RAB11FIP1: variants seen among roughly 807,000 people sequenced by gnomAD.
RAB11FIP1 encodes the protein RAB11 family interacting protein 1.
RAB11FIP1 carries 49 observed loss-of-function variants against 83.1 expected under a neutral mutation model. The observed-to-expected ratio is 0.59, with a 90% CI of 0.47 to 0.75. The LOEUF is 0.75. Among genes scored for constraint, RAB11FIP1 ranks in the 30% least tolerant of loss-of-function variants. The pLI is 0.00. For synonymous variants in RAB11FIP1, 670 were observed against 656.0 expected (o/e 1.02, Z -0.33); for missense variants, 1,536 against 1,598.7 (o/e 0.96, Z 0.67).
chr8:37,892,281 C>T (rs1049747664), intron 1 of RAB11FIP1, among the ~76,000 whole-genome samples: 15 of 152,108 alleles, frequency 9.9e-5, no homozygotes, highest in Non-Finnish European at 1.8e-4. Context: ...AAGCCACCAC[C>T]ATCCACCATC....
At position 37,899,061 on chromosome 8, in the gene RAB11FIP1, C is replaced by T; in HGVS notation, c.371+10G>A. The T allele has an allele frequency of 6.8e-7, 1 of 1,481,234 alleles. No homozygotes were observed. Among genetic ancestry groups the T allele is most frequent in the Non-Finnish European group, 8.9e-7 (1 of 1,124,400 alleles). The allele number at this position is 1,481,234 out of a possible 1,614,324, so 91.8% of individuals were successfully genotyped here. A position where few individuals can be genotyped will look rare whatever the true frequency, so the allele number is the denominator to read the frequency against. ...CCAGGCCGGGCCCTCCCCTCCCCGC[C>T]CGCACTCACTGCGTCTTCCTGCGGC... On this transcript the variant is annotated intron_variant, in intron 1 of 5. Coordinates refer to ENST00000330843, the MANE Select transcript of RAB11FIP1 (RefSeq NM_001002814.3). This position sits in a 1 kb window ranked among gnomAD's most constrained non-coding sequence, Gnocchi z 4.5.
rs1210708137 is a variant in RAB11FIP1, at chr8:37,899,253, C to A, written c.189G>T (p.Ala63=). 3 of 1,602,090 alleles carry A rather than the reference C, an allele frequency of 1.9e-6. No individual in the cohort carries two copies. Among genetic ancestry groups the A allele is most frequent in the Non-Finnish European group, 2.5e-6 (3 of 1,176,940 alleles). The change falls in exon 1 of 6, where the codon GCG becomes GCT. Residue 63 remains alanine (A), a synonymous_variant. Coordinates refer to ENST00000330843, the MANE Select transcript of RAB11FIP1 (RefSeq NM_001002814.3). The surrounding 1 kb of genome is among the most constrained non-coding windows in gnomAD (Gnocchi z 4.5). ...AGGTGGCCTCCTCGCGCCACACGGG[C>A]GCGCCCAGGCTGCGCTCCGACACGG... ...ATSVSERSLG[A]PVWREEATFE...
chr8:37,882,543 A>G (rs1443222613), intron 1 of RAB11FIP1, among the ~76,000 whole-genome samples: 1 of 152,240 alleles, frequency 6.6e-6, no homozygotes, highest in Non-Finnish European at 1.5e-5. Context: ...GAATAAGCAT[A>G]GTGCCTAGAG....
intron 5 of RAB11FIP1, among the ~76,000 whole-genome samples, chr8:37,863,957 T>C (rs924842280): frequency 1.3e-5 from 2 of 152,132 alleles, no homozygotes; most frequent in Non-Finnish European, 2.9e-5. Context: ...AGCAAGGGCT[T>C]TCTTTCCAGG....
At chr8:37,888,466 T>A (rs1370278730) in intron 1 of RAB11FIP1, among the ~76,000 whole-genome samples, 1 of 151,848 alleles carries the variant, frequency 6.6e-6, no homozygotes, top group African/African-American at 2.4e-5. Context: ...GTGTGTACTT[T>A]CTTTAAAAAA....
chr8:37,881,669 G>T lies in RAB11FIP1; in HGVS notation c.372-4118C>A, dbSNP rs1341130884. ...ATCCAGAGCTGGGCAGGCGGGGAGTGGTGGGTGTTGCAAGACGCAAGGTCT... is the reference window on the plus strand; with the variant it reads ...ATCCAGAGCTGGGCAGGCGGGGAGTTGTGGGTGTTGCAAGACGCAAGGTCT... On this transcript the variant is annotated intron_variant, in intron 1 of 5. Transcript: ENST00000330843. 3.9e-5 allele frequency among the ~76,000 whole-genome samples: 6 copies of T among 152,054 alleles called. No individual in the cohort carries two copies. In the East Asian group the frequency reaches 1.2e-3, roughly 29 times the overall value.
Position 37,860,921 on chromosome 8 carries a change from T to C in RAB11FIP1, c.*1974A>G, listed in dbSNP as rs1806220236. On this transcript the variant is annotated 3_prime_UTR_variant, in exon 6 of 6. Coordinates refer to ENST00000330843, the MANE Select transcript of RAB11FIP1 (RefSeq NM_001002814.3). Reference sequence around the variant, plus strand: ...AAAGAGATTGCACTGCCAATGATTTTGTCTCTTAACCTCAATGTAACAAGG... The same window carrying C: ...AAAGAGATTGCACTGCCAATGATTTCGTCTCTTAACCTCAATGTAACAAGG... 1.3e-5 allele frequency: 2 copies of C among 152,672 alleles called. No homozygotes were observed. The highest frequency in any genetic ancestry group is 2.9e-5 in the Non-Finnish European group (2 of 68,050). The allele number at this position is 152,672 out of a possible 1,614,324, so 9.5% of individuals were successfully genotyped here.
Position 37,861,786 on chromosome 8 carries a change from G to A in RAB11FIP1, c.*1109C>T, listed in dbSNP as rs547965340. On this transcript the variant is annotated 3_prime_UTR_variant, in exon 6 of 6. Transcript: ENST00000330843. ...GTATTTTTAGTAGAGATGGGGTTTCGCCATGTTGGTCAGGCTGGTCTCGAA... is the reference window on the plus strand; with the variant it reads ...GTATTTTTAGTAGAGATGGGGTTTCACCATGTTGGTCAGGCTGGTCTCGAA... 271 of 338,302 alleles carry A rather than the reference G, an allele frequency of 8.0e-4. 4 individuals are homozygous for A. The highest frequency in any genetic ancestry group is 3.9e-3 in the South Asian group (172 of 44,266). The allele number at this position is 338,302 out of a possible 1,614,324, so 21.0% of individuals were successfully genotyped here.
intron 1 of RAB11FIP1, among the ~76,000 whole-genome samples, chr8:37,891,497 G>T (rs529712547): frequency 1.8e-4 from 27 of 152,150 alleles, no homozygotes; most frequent in Non-Finnish European, 3.4e-4. Flanking sequence ...AGAGTTGATG[G>T]CATTTTAATA....
rs1466289000 is a variant in RAB11FIP1 at position 37,861,499 on chromosome 8, G to T, written c.*1396C>A. ...ATGCAGATGCAGTTCAATCCCTTTG[G>T]GGTCCAATCCATGGTCTCCTGTCCC... On this transcript the variant is annotated 3_prime_UTR_variant, in exon 6 of 6. Transcript: ENST00000330843. 4 of 423,304 alleles carry T rather than the reference G, an allele frequency of 9.4e-6. No homozygotes were observed. The Admixed American group carries it at 9.6e-5, about 10-fold the overall frequency. The allele number at this position is 423,304 out of a possible 1,614,324, so 26.2% of individuals were successfully genotyped here. A position where few individuals can be genotyped will look rare whatever the true frequency, so the allele number is the denominator to read the frequency against.
Position 37,899,013 on chromosome 8 carries a change from C to T in RAB11FIP1, c.371+58G>A. The T allele has an allele frequency of 7.1e-7, 1 of 1,406,944 alleles. No individual in the cohort carries two copies. Among genetic ancestry groups the T allele is most frequent in the Non-Finnish European group, 9.2e-7 (1 of 1,089,604 alleles). 87.2% of individuals were successfully genotyped at this position (1,406,944 alleles called of 1,614,324 possible). A position where few individuals can be genotyped will look rare whatever the true frequency, so the allele number is the denominator to read the frequency against. ...CTCGAAGGGTCCAGCGCCCAGACCG[C>T]CCTGCCGGAGGGGTCCGCGCCCCCA... is the stretch of plus-strand genomic sequence containing the variant. On this transcript the variant is annotated intron_variant, in intron 1 of 5. Coordinates refer to ENST00000330843, the MANE Select transcript of RAB11FIP1 (RefSeq NM_001002814.3). This position sits in a 1 kb window ranked among gnomAD's most constrained non-coding sequence, Gnocchi z 4.5.
intron 1 of RAB11FIP1, among the ~76,000 whole-genome samples, chr8:37,892,345 C>A (rs1440972409): frequency 6.6e-6 from 1 of 152,160 alleles, no homozygotes; most frequent in Non-Finnish European, 1.5e-5. Context: ...GTTAGGCCAG[C>A]TTCAAATCCA....
chr8:37,876,222 G>GAAGC (rs1483376159), intron 2 of RAB11FIP1, among the ~76,000 whole-genome samples: 1 of 111,276 alleles, frequency 9.0e-6, no homozygotes, highest in African/African-American at 3.9e-5. Flanking sequence ...AGAAAGGAAG[G>GAAGC]AAGGAAGGAA....
intron 1 of RAB11FIP1, among the ~76,000 whole-genome samples, chr8:37,880,645 C>T (rs1806716030): frequency 6.6e-6 from 1 of 151,528 alleles, no homozygotes; most frequent in South Asian, 2.1e-4. Context: ...CTTAATAGTC[C>T]CAACTACTTG....
chr8:37,887,465 A>G (rs1806856420), intron 1 of RAB11FIP1, among the ~76,000 whole-genome samples: 1 of 147,504 alleles, frequency 6.8e-6, no homozygotes. Context: ...TGGAAAGTGG[A>G]GGTTGCAGTG....
rs372945298 is a variant in RAB11FIP1, at chr8:37,874,801, C to T, written c.1336G>A (p.Val446Met). 7 of 1,614,204 alleles carry T rather than the reference C, an allele frequency of 4.3e-6. No homozygotes were observed. Among genetic ancestry groups the T allele is most frequent in the Non-Finnish European group, 5.9e-6 (7 of 1,180,038 alleles). ...TTTTCACCTTCACTGCCCTTAGCCA[C>T]ATCCTTCTTCCCCGTCATCAGAGAC... is the stretch of plus-strand genomic sequence containing the variant. ...LLSLMTGKKD[V>M]AKGSEGENPL... Residue 446 changes from valine (V) to methionine (M), a missense_variant, in exon 3 of 6, where the codon GTG becomes ATG. Coordinates refer to ENST00000330843, the MANE Select transcript of RAB11FIP1 (RefSeq NM_001002814.3).
At chr8:37,897,935 G>A (rs1004451088) in intron 1 of RAB11FIP1, among the ~76,000 whole-genome samples, 30 of 152,206 alleles carry the variant, frequency 2.0e-4, no homozygotes, top group Non-Finnish European at 3.5e-4. Context: ...ACCCCGCATT[G>A]TAAAGGCGTT....
In RAB11FIP1 at chr8:37,871,518, A is replaced by G. The variant is rs748464345; in HGVS notation, c.3284T>C (p.Val1095Ala). Reference protein sequence around the residue: ...PPPGTSLDNPVPSPSPSEIFP... With the variant: ...PPPGTSLDNPAPSPSPSEIFP... ...GATCTCAGAAGGGGAGGGGCTGGGT[A>G]CAGGATTGTCCAGGGATGTGCCAGG... The change falls in exon 4 of 6, where the codon GTA (valine) becomes GCA (alanine). Residue 1095 changes from valine to alanine, a missense_variant. By Grantham distance (64) the Val-to-Ala change is moderately conservative. Transcript: ENST00000330843. 1 of 1,610,990 alleles carries G rather than the reference A, an allele frequency of 6.2e-7. No individual in the cohort carries two copies. Among genetic ancestry groups the G allele is most frequent in the Non-Finnish European group, 8.5e-7 (1 of 1,178,520 alleles).
rs761199178 is a variant in RAB11FIP1, at chr8:37,877,392, G to T, written c.531C>A (p.Ile177=). The part of the protein sequence containing the change: ...RNPFGKLKDK[I]KGKNKDSGSD... ...ACCCACTGTCCTTATTCTTCCCCTT[G>T]ATCTTGTCCTTCAGCTTTCCAAATG... Residue 177 remains isoleucine, a synonymous_variant, in exon 2 of 6, where the codon ATC becomes ATA. Coordinates refer to ENST00000330843, the MANE Select transcript of RAB11FIP1 (RefSeq NM_001002814.3). 2 of 1,614,178 alleles carry T rather than the reference G, an allele frequency of 1.2e-6. No individual in the cohort carries two copies. Among genetic ancestry groups the T allele is most frequent in the South Asian group, 2.2e-5 (2 of 91,084 alleles).
Sources: gnomAD v4.1 joint callset for allele counts (sites outside exome capture counted in the v4.1 genomes callset) on GRCh38, gnomAD v4.1.1 for gene constraint, Gnocchi (gnomAD v3.1) non-coding constraint, MANE v1.5 for transcripts, NCBI Gene and HGNC (gene_info 2026-07-23, HGNC 2026-07-21) for gene names.